Variants in WDPCP observed in about 807,000 individuals in gnomAD.
The protein encoded by WDPCP is WD repeat-containing and planar cell polarity effector protein fritz homolog.
Under a neutral mutation model 93.1 loss-of-function variants are expected in WDPCP, and 71 were observed. The observed-to-expected ratio is 0.76, with a 90% CI of 0.63 to 0.93. WDPCP has a LOEUF of 0.93. Among genes scored for constraint, WDPCP ranks in the 40% least tolerant of loss-of-function variants. The pLI is 0.00. For synonymous variants in WDPCP, 315 were observed against 315.0 expected (o/e 1.00, Z 0.00); for missense variants, 844 against 887.4 (o/e 0.95, Z 0.62).
chr2:63,575,403 A>G (rs1167088525), intron 1 of WDPCP, among the ~76,000 whole-genome samples: 1 of 116,680 alleles, frequency 8.6e-6, no homozygotes, highest in East Asian at 2.3e-4. Context: ...TATACAGTAT[A>G]TATACAGTAT....
rs1669574589 is a variant in WDPCP, at chr2:63,122,011, C to A, written c.2236G>T (p.Val746Leu). 6.2e-7 allele frequency: 1 copy of A among 1,613,156 alleles called. No homozygotes were observed. Among genetic ancestry groups the A allele is most frequent in the Non-Finnish European group, 8.5e-7 (1 of 1,179,666 alleles). Residue 746 changes from valine to leucine, a missense_variant, in exon 18 of 18, where the codon GTG (valine) becomes TTG (leucine). Physicochemically the swap from Val to Leu is conservative, Grantham distance 32. Transcript: ENST00000272321. ...GSLKMIHFGL[V>L] ...TTTTCTTTTTTTCTTAATGTTTACA[C>A]CAGACCAAAGTGAATCATTTTGAGA...
intron 12 of WDPCP, among the ~76,000 whole-genome samples, chr2:63,338,865 C>G (rs1329095368): frequency 6.6e-6 from 1 of 151,272 alleles, no homozygotes; most frequent in African/African-American, 2.4e-5. Flanking sequence ...TATTCAGGGT[C>G]TTCTGTGGTT....
At chr2:63,384,755 T>C (rs1692594087) in intron 10 of WDPCP, among the ~76,000 whole-genome samples, 1 of 150,760 alleles carries the variant, frequency 6.6e-6, no homozygotes, top group South Asian at 2.1e-4. Context: ...AAAAAAAAAT[T>C]AACAAAAGAA....
chr2:63,446,139 T>A (rs998619047), intron 6 of WDPCP, among the ~76,000 whole-genome samples: 3 of 152,178 alleles, frequency 2.0e-5, no homozygotes, highest in African/African-American at 2.4e-5. Context: ...CTCCAGCTCT[T>A]TTCCTCACTC....
At chr2:63,665,395 A>G (rs1710271240) in intron 2 of WDPCP, among the ~76,000 whole-genome samples, 1 of 152,126 alleles carries the variant, frequency 6.6e-6, no homozygotes, top group Admixed American at 6.6e-5. Context: ...GTATCTCTTC[A>G]CACAATCTTC....
At chr2:63,490,433 T>C (rs1466252076) in intron 2 of WDPCP, among the ~76,000 whole-genome samples, 2 of 152,206 alleles carry the variant, frequency 1.3e-5, no homozygotes, top group African/African-American at 4.8e-5. Context: ...AAGTTTGTGA[T>C]TATTTCAAAC....
At chr2:63,677,830 G>A (rs1270780209) in intron 2 of WDPCP, among the ~76,000 whole-genome samples, 1 of 152,144 alleles carries the variant, frequency 6.6e-6, no homozygotes, top group Non-Finnish European at 1.5e-5. Context: ...AAATCCAGAT[G>A]AAACTTGGAA....
At chr2:63,123,334 T>G (rs1669676209) in intron 17 of WDPCP, among the ~76,000 whole-genome samples, 2 of 152,164 alleles carry the variant, frequency 1.3e-5, no homozygotes, top group African/African-American at 4.8e-5. Flanking sequence ...TTTTATTTTC[T>G]TAATATCTAG....
At chr2:63,634,355 G>A (rs1709899755) in intron 3 of WDPCP, among the ~76,000 whole-genome samples, 1 of 152,092 alleles carries the variant, frequency 6.6e-6, no homozygotes, top group African/African-American at 2.4e-5. Context: ...ACCCAGTATT[G>A]GAACACACAA....
intron 2 of WDPCP, among the ~76,000 whole-genome samples, chr2:63,769,102 G>A (rs1159539680): frequency 6.6e-6 from 1 of 151,932 alleles, no homozygotes; most frequent in Middle Eastern, 3.2e-3. Flanking sequence ...AATTCTTCAT[G>A]AAATTCTCAT....
intron 2 of WDPCP, among the ~76,000 whole-genome samples, chr2:63,693,965 T>C (rs1436282248): frequency 6.6e-6 from 1 of 152,222 alleles, no homozygotes; most frequent in Admixed American, 6.5e-5. Context: ...ATACCATTTC[T>C]TGAAAATTAG....
At chr2:63,168,107 CAAAAAAAA>C (rs957507138) in intron 15 of WDPCP, among the ~76,000 whole-genome samples, 4 of 53,546 alleles carry the variant, frequency 7.5e-5, no homozygotes, top group Non-Finnish European at 9.9e-5. Flanking sequence ...GAGACCCTGC[CAAAAAAAA>C]AAAAAAAAAA....
intron 12 of WDPCP, among the ~76,000 whole-genome samples, chr2:63,321,395 TG>T (rs1209004266): frequency 1.3e-4 from 1 of 7,846 alleles, no homozygotes; most frequent in African/African-American, 5.9e-3. Flanking sequence ...TCTGTGTGTG[TG>T]TGTGTGTGTG....
At chr2:63,512,769 C>A (rs1417886880) in intron 1 of WDPCP, among the ~76,000 whole-genome samples, 1 of 151,938 alleles carries the variant, frequency 6.6e-6, no homozygotes, top group Non-Finnish European at 1.5e-5. Flanking sequence ...GGAGGGATAG[C>A]ATTAGGAGAA....
At chr2:63,283,559 T>C (rs937759466) in intron 13 of WDPCP, among the ~76,000 whole-genome samples, 32 of 152,200 alleles carry the variant, frequency 2.1e-4, no homozygotes, top group Non-Finnish European at 2.2e-4. Context: ...CAGAGTTGAA[T>C]AGTTGTGACA....
chr2:63,766,403 T>C (rs1670136699), intron 2 of WDPCP, among the ~76,000 whole-genome samples: 2 of 151,934 alleles, frequency 1.3e-5, no homozygotes, highest in South Asian at 4.2e-4. Flanking sequence ...GATCATAACT[T>C]ACTGAAGCCT....
At chr2:63,486,412 T>C (rs936550263) in intron 4 of WDPCP, 130 bp downstream of exon 4, 8 of 735,522 alleles carry the variant, frequency 1.1e-5, no homozygotes, top group Non-Finnish European at 1.8e-5. Flanking sequence ...CTTATATGTT[T>C]ATATTCCTAA....
chr2:63,528,623 T>C (rs948586794), intron 1 of WDPCP, among the ~76,000 whole-genome samples: 8 of 152,220 alleles, frequency 5.3e-5, no homozygotes, highest in African/African-American at 1.2e-4. Context: ...TGTGGACTTG[T>C]AGTATAGTTT....
intron 3 of WDPCP, among the ~76,000 whole-genome samples, chr2:63,620,111 C>T (rs550501089): frequency 2.0e-4 from 30 of 152,268 alleles, no homozygotes; most frequent in African/African-American, 5.5e-4. Flanking sequence ...GGGCAGACAC[C>T]GAGCTAGCTG....
Sources: allele counts gnomAD v4.1 joint callset (sites outside exome capture counted in the v4.1 genomes callset), GRCh38; gene constraint gnomAD v4.1.1; transcripts MANE v1.5; gene names NCBI Gene and HGNC (gene_info 2026-07-23, HGNC 2026-07-21).